The following MYO5B variants were observed in gnomAD, a reference collection of about 807,000 sequenced individuals.
MYO5B encodes unconventional myosin-Vb.
A neutral mutation model predicts 229.3 loss-of-function variants in MYO5B; 143 were observed. The observed-to-expected ratio is 0.62, with a 90% CI of 0.54 to 0.72. The LOEUF (loss-of-function observed/expected upper bound fraction) is 0.72, where lower values mean the gene tolerates loss of function less well. Among genes scored for constraint, MYO5B ranks in the 30% least tolerant of loss-of-function variants. The probability of loss-of-function intolerance (pLI) is 0.00; values close to 1 mark genes in which losing one functional copy is unlikely to be tolerated. For synonymous variants in MYO5B, 918 were observed against 885.2 expected (o/e 1.04, Z -0.66); for missense variants, 2,321 against 2,331.0 (o/e 1.00, Z 0.09).
chr18:50,106,877 T>C lies in MYO5B; in HGVS notation c.28-51499A>G, dbSNP rs190915932. 2.0e-5 allele frequency among the ~76,000 whole-genome samples: 3 copies of C among 152,290 alleles called. No individual in the cohort carries two copies. In the East Asian group the frequency reaches 5.8e-4, roughly 29 times the overall value. On this transcript the variant is annotated intron_variant, in intron 1 of 39. Coordinates refer to ENST00000285039, the MANE Select transcript of MYO5B (RefSeq NM_001080467.3). ...TGTGCCTTTGGTATGGCCACATAAC[T>C]CTATGTCCCTCCCACCTCATAAAGA...
intron 35 of MYO5B, chr18:49,839,758 A>G (rs919292456): frequency 8.7e-6 from 2 of 229,896 alleles, no homozygotes; most frequent in African/African-American, 4.5e-5. Flanking sequence ...GGTTATCAGA[A>G]TTAATAGATG....
intron 39 of MYO5B, among the ~76,000 whole-genome samples, chr18:49,831,251 C>CA (rs1298977871): frequency 6.6e-6 from 1 of 151,858 alleles, no homozygotes; most frequent in Non-Finnish European, 1.5e-5. Context: ...GCATAGGAAA[C>CA]AAAAAAATAT....
At chr18:50,156,486 T>C (rs577581338) in intron 1 of MYO5B, among the ~76,000 whole-genome samples, 3 of 152,344 alleles carry the variant, frequency 2.0e-5, no homozygotes, top group East Asian at 3.9e-4. Context: ...TTCTCCTTCC[T>C]GCCATTATGT....
At chr18:50,070,772 C>T (rs1437621213) in intron 1 of MYO5B, among the ~76,000 whole-genome samples, 1 of 152,006 alleles carries the variant, frequency 6.6e-6, no homozygotes, top group African/African-American at 2.4e-5. Context: ...CATCCCCATC[C>T]TACCTGCACC....
chr18:49,906,268 C>T, intron 19 of MYO5B, 151 bp downstream of exon 19: 1 of 748,280 alleles, frequency 1.3e-6, no homozygotes, highest in Non-Finnish European at 2.3e-6. Context: ...AGGGATAGGC[C>T]CAGCTGCCGA....
At chr18:49,926,876 T>C (rs565720283) in intron 17 of MYO5B, among the ~76,000 whole-genome samples, 2 of 152,268 alleles carry the variant, frequency 1.3e-5, no homozygotes, top group Non-Finnish European at 2.9e-5. Flanking sequence ...CGCTTCAACA[T>C]GGATGAAGCT....
intron 4 of MYO5B, among the ~76,000 whole-genome samples, chr18:50,021,138 C>T (rs1044899807): frequency 1.3e-5 from 2 of 152,190 alleles, no homozygotes; most frequent in Non-Finnish European, 2.9e-5. Flanking sequence ...CCTGCACTGC[C>T]ATCCTCCTCT....
At chr18:49,992,472 G>A in intron 5 of MYO5B, 41 bp from the exon 6 acceptor site, 1 of 1,613,886 alleles carries the variant, frequency 6.2e-7, no homozygotes, top group African/African-American at 1.3e-5. Context: ...AAAAAAAGAG[G>A]GCTTTCTTGA....
In MYO5B at chr18:50,070,224, A is replaced by G. The variant is rs937729874; in HGVS notation, c.28-14846T>C. ...TTTTTAGTAGAGACAAGGTTTCACCATGTTTACCAGGCTAGTCTTGAACTC... is the reference window on the plus strand; with the variant it reads ...TTTTTAGTAGAGACAAGGTTTCACCGTGTTTACCAGGCTAGTCTTGAACTC... On this transcript the variant is annotated intron_variant, in intron 1 of 39. Coordinates refer to ENST00000285039, the MANE Select transcript of MYO5B (RefSeq NM_001080467.3). 2.0e-5 allele frequency among the ~76,000 whole-genome samples: 3 copies of G among 151,980 alleles called. No individual in the cohort carries two copies. In the East Asian group the frequency reaches 5.8e-4, roughly 29 times the overall value.
At chr18:50,180,334 C>T (rs899785215) in intron 1 of MYO5B, among the ~76,000 whole-genome samples, 1 of 152,170 alleles carries the variant, frequency 6.6e-6, no homozygotes, top group African/African-American at 2.4e-5. Context: ...CACATTACCT[C>T]ATTTCATCAA....
chr18:49,979,263 C>A (rs1033427054), intron 9 of MYO5B, among the ~76,000 whole-genome samples: 6 of 152,182 alleles, frequency 3.9e-5, no homozygotes, highest in Non-Finnish European at 8.8e-5. Context: ...AGCTCCAGGG[C>A]ACCTAACGCT....
At chr18:50,162,472 C>G (rs2032781298) in intron 1 of MYO5B, among the ~76,000 whole-genome samples, 1 of 152,178 alleles carries the variant, frequency 6.6e-6, no homozygotes, top group African/African-American at 2.4e-5. Context: ...GTTCAGCCTC[C>G]TGATAGACAA....
At chr18:49,927,031 T>C (rs1439125487) in intron 17 of MYO5B, among the ~76,000 whole-genome samples, 1 of 152,132 alleles carries the variant, frequency 6.6e-6, no homozygotes, top group East Asian at 1.9e-4. Context: ...AGGGAAATAT[T>C]GTTAATGCCG....
intron 4 of MYO5B, among the ~76,000 whole-genome samples, chr18:50,009,562 C>T (rs765434306): frequency 1.8e-4 from 28 of 151,894 alleles, no homozygotes; most frequent in Non-Finnish European, 2.5e-4. Context: ...ATTCGGGGAA[C>T]GAAAGGTTAT....
At chr18:50,163,256 T>C (rs574065521) in intron 1 of MYO5B, among the ~76,000 whole-genome samples, 2 of 152,296 alleles carry the variant, frequency 1.3e-5, no homozygotes, top group East Asian at 3.9e-4. Context: ...GAAAAAGTCA[T>C]GCACACGAAT....
chr18:49,943,283 G>A (rs1308583666), intron 14 of MYO5B, among the ~76,000 whole-genome samples: 1 of 151,590 alleles, frequency 6.6e-6, no homozygotes. Flanking sequence ...GAGTTACTGG[G>A]TGCAGCACAC....
chr18:49,896,097 A>G (rs1469260712), intron 21 of MYO5B, among the ~76,000 whole-genome samples: 3 of 152,216 alleles, frequency 2.0e-5, no homozygotes, highest in African/African-American at 7.2e-5. Context: ...TCAGGAATCA[A>G]TGACTAATTC....
At chr18:49,876,415 T>A (rs1251841023) in intron 25 of MYO5B, 4 of 204,398 alleles carry the variant, frequency 2.0e-5, no homozygotes, top group Non-Finnish European at 4.0e-5. Context: ...GGGATAGGGG[T>A]GTACAAACAC....
chr18:50,086,485 T>C (rs1016486322), intron 1 of MYO5B, among the ~76,000 whole-genome samples: 1 of 152,250 alleles, frequency 6.6e-6, no homozygotes, highest in Admixed American at 6.5e-5. Flanking sequence ...TTGTGGTGTG[T>C]GCACGTGTGT....
Sources: allele counts gnomAD v4.1 joint callset (sites outside exome capture counted in the v4.1 genomes callset), GRCh38; gene constraint gnomAD v4.1.1; transcripts MANE v1.5; gene names NCBI Gene and HGNC (gene_info 2026-07-23, HGNC 2026-07-21).